Variants in OPRM1 observed in about 807,000 individuals in gnomAD.
OPRM1 encodes the protein opioid receptor mu 1.
A neutral mutation model predicts 31.8 loss-of-function variants in OPRM1; 27 were observed. That is an observed-to-expected ratio of 0.85 (90% CI 0.63 to 1.17). The LOEUF is 1.17. Among genes scored for constraint, OPRM1 ranks in the 50% most tolerant of loss-of-function variants. The pLI, the probability that OPRM1 is intolerant of heterozygous loss-of-function variation, is 0.00. For missense variants in OPRM1, 536 were observed against 511.1 expected (o/e 1.05, Z -0.47); for synonymous variants, 196 against 189.9 (o/e 1.03, Z -0.26).
At chr6:154,080,289 A>T (rs1275066629) in intron 1 of OPRM1, among the ~76,000 whole-genome samples, 1 of 152,254 alleles carries the variant, frequency 6.6e-6, no homozygotes, top group Non-Finnish European at 1.5e-5. Flanking sequence ...ATAGTACTGC[A>T]GCAAACTTAA....
intron 1 of OPRM1, chr6:154,087,719 A>G: frequency 8.3e-6 from 3 of 363,084 alleles, no homozygotes; most frequent in Non-Finnish European, 1.1e-5. Context: ...CTGGACTGGT[A>G]ATACAGCCTA....
intron 3 of OPRM1, among the ~76,000 whole-genome samples, chr6:154,149,597 C>CGTGTGT (rs59431090): frequency 1.3e-5 from 2 of 148,376 alleles, no homozygotes; most frequent in Admixed American, 6.7e-5. Context: ...CATTCTGGAT[C>CGTGTGT]GTGTGTGTGT....
upstream of OPRM1, among the ~76,000 whole-genome samples, chr6:154,038,496 T>C (rs1430358816): frequency 1.3e-5 from 2 of 152,226 alleles, no homozygotes; most frequent in African/African-American, 4.8e-5. Context: ...TCCTAGAATT[T>C]TTACACTAGA....
At chr6:154,169,759 C>T (rs779860767) in intron 3 of OPRM1, among the ~76,000 whole-genome samples, 4 of 152,210 alleles carry the variant, frequency 2.6e-5, no homozygotes, top group Non-Finnish European at 4.4e-5. Flanking sequence ...GTGGACTAGA[C>T]GAGGCCAATG....
chr6:154,171,223 T>C (rs977480341), intron 3 of OPRM1, among the ~76,000 whole-genome samples: 1 of 152,152 alleles, frequency 6.6e-6, no homozygotes, highest in Non-Finnish European at 1.5e-5. Flanking sequence ...TAAATGTTCA[T>C]CAGCTGATGA....
intron 3 of OPRM1, among the ~76,000 whole-genome samples, chr6:154,142,019 A>T (rs527430406): frequency 6.6e-6 from 1 of 152,194 alleles, no homozygotes; most frequent in South Asian, 2.1e-4. Flanking sequence ...ATCATCTTTG[A>T]TTTCTCCTCT....
intron 3 of OPRM1, among the ~76,000 whole-genome samples, chr6:154,240,044 G>C (rs752938829): frequency 1.1e-4 from 16 of 152,106 alleles, no homozygotes; most frequent in Non-Finnish European, 1.8e-4. Flanking sequence ...TTTGGGATAC[G>C]CTCAGAGGCT....
At chr6:154,167,055 G>A (rs1799497256) in intron 3 of OPRM1, among the ~76,000 whole-genome samples, 1 of 152,138 alleles carries the variant, frequency 6.6e-6, no homozygotes, top group Admixed American at 6.5e-5. Flanking sequence ...GCCTGCCTTT[G>A]TAGCCTTGTC....
downstream of OPRM1, among the ~76,000 whole-genome samples, chr6:154,135,089 C>T (rs1408396198): frequency 6.6e-6 from 1 of 152,118 alleles, no homozygotes; most frequent in Non-Finnish European, 1.5e-5. Flanking sequence ...TTCTTTTTTG[C>T]CATGTGTACT....
chr6:154,097,876 C>T (rs1298403930), intron 3 of OPRM1, among the ~76,000 whole-genome samples: 2 of 152,096 alleles, frequency 1.3e-5, no homozygotes, highest in African/African-American at 4.8e-5. Context: ...GTAACCTCTA[C>T]TCTATAGTTG....
At chr6:154,064,818 T>C (rs1785052611) in intron 1 of OPRM1, among the ~76,000 whole-genome samples, 1 of 152,204 alleles carries the variant, frequency 6.6e-6, no homozygotes, top group Non-Finnish European at 1.5e-5. Flanking sequence ...GGTTTATTTC[T>C]GGGATCTCTA....
chr6:154,071,756 A>G (rs139718518), intron 1 of OPRM1, among the ~76,000 whole-genome samples: 256 of 152,360 alleles, frequency 1.7e-3, no homozygotes, highest in African/African-American at 5.8e-3. Context: ...ATGTAAGGCT[A>G]GAGTTGTCAT....
chr6:154,198,569 A>G (rs34516891), intron 3 of OPRM1, among the ~76,000 whole-genome samples: 8,341 of 152,002 alleles, frequency 0.055, 274 homozygotes, highest in Non-Finnish European at 0.062. Flanking sequence ...GACAACTGTT[A>G]TAACTTGGAG....
At chr6:154,020,186 G>T (rs1778281289) in intron 1 of OPRM1, among the ~76,000 whole-genome samples, 1 of 152,140 alleles carries the variant, frequency 6.6e-6, no homozygotes, top group South Asian at 2.1e-4. Context: ...GTTTTATATG[G>T]ACATAACTTT....
chr6:154,087,312 G>C (rs138461427), intron 1 of OPRM1: 1 of 985,266 alleles, frequency 1.0e-6, no homozygotes, highest in Non-Finnish European at 1.2e-6. Context: ...CACTTTCCTG[G>C]ACACTGAATT....
intron 3 of OPRM1, chr6:154,212,981 T>A: frequency 1.4e-6 from 1 of 695,462 alleles, no homozygotes; most frequent in Non-Finnish European, 2.5e-6. Flanking sequence ...TCATATCTAA[T>A]GAACTACCTG....
In OPRM1 at chr6:154,129,287, A is replaced by G. The variant is rs1300025993; in HGVS notation, c.*10566A>G. Among the ~76,000 whole-genome samples the G allele has an allele frequency of 1.3e-5, 2 of 152,260 alleles. No homozygotes were observed. Among genetic ancestry groups the G allele is most frequent in the Non-Finnish European group, 2.9e-5 (2 of 68,032 alleles). On this transcript the variant is annotated 3_prime_UTR_variant, in exon 4 of 4. Coordinates refer to ENST00000330432, the MANE Select transcript of OPRM1 (RefSeq NM_000914.5). The stretch of plus-strand genomic sequence containing the variant: ...AGTTCTTCTATACAATAGAGAACAG[A>G]ACAATGTTCTTCTATACAATGTAAG...
intron 3 of OPRM1, chr6:154,107,729 G>GT (rs1484585321): frequency 1.4e-6 from 1 of 718,368 alleles, no homozygotes; most frequent in Non-Finnish European, 2.6e-6. Context: ...ACTTCATCCA[G>GT]TTTTTTTGTT....
intron 3 of OPRM1, among the ~76,000 whole-genome samples, chr6:154,218,126 G>A (rs1220430717): frequency 6.6e-6 from 1 of 152,152 alleles, no homozygotes; most frequent in Non-Finnish European, 1.5e-5. Context: ...ACATCTATCT[G>A]TGGCTAAGTA....
Sources: allele counts gnomAD v4.1 joint callset (sites outside exome capture counted in the v4.1 genomes callset), GRCh38; gene constraint gnomAD v4.1.1; transcripts MANE v1.5; gene names NCBI Gene and HGNC (gene_info 2026-07-23, HGNC 2026-07-21).